The following MYZAP variants were observed in gnomAD, a reference collection of about 807,000 sequenced individuals.
MYZAP encodes the protein myocardial zonula adherens protein.
MYZAP carries 66 observed loss-of-function variants against 69.4 expected under a neutral mutation model. That is an observed-to-expected ratio of 0.95 (90% CI 0.78 to 1.17). The LOEUF is 1.17. Among genes scored for constraint, MYZAP ranks in the 50% most tolerant of loss-of-function variants. MYZAP has a pLI of 0.00. For synonymous variants in MYZAP, 256 were observed against 205.9 expected (o/e 1.24, Z -2.09); for missense variants, 611 against 556.2 (o/e 1.10, Z -0.99).
intron 4 of MYZAP, among the ~76,000 whole-genome samples, chr15:57,625,556 T>C (rs1407264094): frequency 2.6e-5 from 4 of 152,210 alleles, no homozygotes; most frequent in Admixed American, 6.5e-5. Flanking sequence ...CACAGTGTTG[T>C]TGAGAGGGCT....
At chr15:57,622,092 G>A (rs1257435457) in intron 4 of MYZAP, among the ~76,000 whole-genome samples, 1 of 152,084 alleles carries the variant, frequency 6.6e-6, no homozygotes, top group Non-Finnish European at 1.5e-5. Context: ...AAGCTCAAGT[G>A]AACATGAAAT....
intron 10 of MYZAP, chr15:57,646,368 A>G: frequency 8.5e-7 from 1 of 1,178,774 alleles, no homozygotes; most frequent in Middle Eastern, 3.8e-4. Context: ...TGTTTGTGAA[A>G]ACACCCACAT....
At chr15:57,666,163 G>A (rs1258853970) in intron 11 of MYZAP, among the ~76,000 whole-genome samples, 2 of 152,168 alleles carry the variant, frequency 1.3e-5, no homozygotes, top group Admixed American at 1.3e-4. Flanking sequence ...ATGACCTTGG[G>A]CAAATCATGC....
intron 1 of MYZAP, among the ~76,000 whole-genome samples, chr15:57,592,692 A>G (rs1388702439): frequency 6.6e-6 from 1 of 152,174 alleles, no homozygotes; most frequent in Non-Finnish European, 1.5e-5. Context: ...CAATGGCAGC[A>G]CTGAAAGCTT....
At chr15:57,605,342 T>C (rs1418490208) in intron 2 of MYZAP, among the ~76,000 whole-genome samples, 2 of 152,160 alleles carry the variant, frequency 1.3e-5, no homozygotes, top group African/African-American at 4.8e-5. Flanking sequence ...GGCAGTACTT[T>C]TTCTTGAGCA....
chr15:57,593,918 T>C (rs1188449691), intron 1 of MYZAP, among the ~76,000 whole-genome samples: 3 of 152,204 alleles, frequency 2.0e-5, no homozygotes, highest in Non-Finnish European at 4.4e-5. Context: ...GTTGATTAAT[T>C]GATTTATTGA....
At chr15:57,602,296 C>T (rs1434517613) in intron 1 of MYZAP, among the ~76,000 whole-genome samples, 1 of 152,076 alleles carries the variant, frequency 6.6e-6, no homozygotes, top group Non-Finnish European at 1.5e-5. Context: ...GGTTAGTGGC[C>T]CAAAATTAAG....
intron 10 of MYZAP, among the ~76,000 whole-genome samples, chr15:57,653,179 GC>G (rs1316190786): frequency 6.6e-6 from 1 of 152,102 alleles, no homozygotes; most frequent in East Asian, 1.9e-4. Flanking sequence ...AGTACACACA[GC>G]CCCGACACTC....
intron 3 of MYZAP, among the ~76,000 whole-genome samples, chr15:57,618,708 TGAA>T (rs1230905281): frequency 1.3e-5 from 2 of 152,262 alleles, no homozygotes; most frequent in Non-Finnish European, 2.9e-5. Context: ...TAAACATGTA[TGAA>T]GAAGAAAATA....
At chr15:57,622,228 A>G (rs1010303970) in intron 4 of MYZAP, among the ~76,000 whole-genome samples, 1 of 152,136 alleles carries the variant, frequency 6.6e-6, no homozygotes, top group African/African-American at 2.4e-5. Flanking sequence ...TTCAATATAC[A>G]AAAAATTCCC....
At chr15:57,620,566 C>T (rs931411843) in intron 3 of MYZAP, among the ~76,000 whole-genome samples, 2 of 152,206 alleles carry the variant, frequency 1.3e-5, no homozygotes, top group African/African-American at 4.8e-5. Flanking sequence ...GAAAGTAGTA[C>T]TGTAGAGAAA....
At position 57,612,057 on chromosome 15, in the gene MYZAP, G is replaced by T. The variant is rs75473704; in HGVS notation, c.163-5976G>T. 2.5e-3 allele frequency among the ~76,000 whole-genome samples: 383 copies of T among 152,294 alleles called. 2 individuals carry two copies. Among genetic ancestry groups the T allele is most frequent in the African/African-American group, 8.7e-3 (363 of 41,566 alleles). On this transcript the variant is annotated intron_variant, in intron 2 of 12. Coordinates refer to ENST00000267853, the MANE Select transcript of MYZAP (RefSeq NM_001018100.5). Reference sequence around the variant, plus strand: ...AGTAATGACCTGGGCCAAATAATTTGCTGAGATAGATACACAGGTTGTACA... The same window carrying T: ...AGTAATGACCTGGGCCAAATAATTTTCTGAGATAGATACACAGGTTGTACA...
At chr15:57,639,720 C>T (rs908556013) in intron 10 of MYZAP, among the ~76,000 whole-genome samples, 175 bp downstream of exon 10, 2 of 152,160 alleles carry the variant, frequency 1.3e-5, no homozygotes, top group African/African-American at 4.8e-5. Context: ...GGACTGATGA[C>T]GATGATGCCC....
At chr15:57,668,062 T>C (rs1005067193) in intron 11 of MYZAP, among the ~76,000 whole-genome samples, 1 of 152,238 alleles carries the variant, frequency 6.6e-6, no homozygotes, top group Admixed American at 6.5e-5. Flanking sequence ...TAGCATGCCC[T>C]CTTCTCTGTC....
At chr15:57,678,730 C>T (rs1436873229) in intron 12 of MYZAP, among the ~76,000 whole-genome samples, 1 of 152,100 alleles carries the variant, frequency 6.6e-6, no homozygotes, top group Non-Finnish European at 1.5e-5. Flanking sequence ...GTGGCCCCTG[C>T]GTGCTGTAGG....
At chr15:57,629,889 A>C (rs140272102) in intron 6 of MYZAP, 35 bp downstream of exon 6, 8 of 1,598,714 alleles carry the variant, frequency 5.0e-6, no homozygotes, top group Non-Finnish European at 6.8e-6. Context: ...TTTTCTATGA[A>C]CTTTTCTCCT....
intron 12 of MYZAP, among the ~76,000 whole-genome samples, chr15:57,683,558 T>A (rs2039543247): frequency 6.6e-6 from 1 of 152,102 alleles, no homozygotes; most frequent in African/African-American, 2.4e-5. Context: ...TTGTTAAAAA[T>A]AACTTTTTTA....
chr15:57,660,465 C>A lies in MYZAP; in HGVS notation c.1120-985C>A, dbSNP rs576399690. Among the ~76,000 whole-genome samples the A allele has an allele frequency of 3.0e-4, 45 of 152,146 alleles. 1 individual carries two copies. Among genetic ancestry groups the A allele is most frequent in the African/African-American group, 1.1e-3 (44 of 41,482 alleles). On this transcript the variant is annotated intron_variant, in intron 10 of 12. Transcript: ENST00000267853. ...AAGTAGCTGGGACTACAGGGACACA[C>A]CACCACACCCAGCTAATTTTTTGAT...
At chr15:57,631,371 C>CA (rs1316745371) in intron 6 of MYZAP, among the ~76,000 whole-genome samples, 1 of 151,612 alleles carries the variant, frequency 6.6e-6, no homozygotes, top group Non-Finnish European at 1.5e-5. Context: ...CTCCAGCCCA[C>CA]AGTTGCCTGT....
Sources: gnomAD v4.1 joint callset for allele counts (sites outside exome capture counted in the v4.1 genomes callset) on GRCh38, gnomAD v4.1.1 for gene constraint, MANE v1.5 for transcripts, NCBI Gene and HGNC (gene_info 2026-07-23, HGNC 2026-07-21) for gene names.